Variants in KCNH7 observed in about 807,000 individuals in gnomAD.
KCNH7 encodes voltage-gated inwardly rectifying potassium channel KCNH7.
Under a neutral mutation model 120.8 loss-of-function variants are expected in KCNH7, and 49 were observed. The observed-to-expected ratio is 0.41, with a 90% CI of 0.32 to 0.51. The LOEUF (loss-of-function observed/expected upper bound fraction) is 0.51. Ranked by LOEUF, KCNH7 falls within the 20% of genes least tolerant of loss-of-function variation. The pLI is 0.38. For synonymous variants in KCNH7, 547 were observed against 516.1 expected, an observed-to-expected ratio of 1.06 and a Z score of -0.81; for missense variants, 1,097 against 1,446.6, an observed-to-expected ratio of 0.76 and a Z score of 3.92.
rs567745082 is a variant in KCNH7, at chr2:162,661,623, A to T, written c.308-124543T>A. ...ATATCGTTGATACCTTGGAGGCTCA[A>T]TGTCTGTGGTATAGACAGGGATCTG... On this transcript the variant is annotated intron_variant, in intron 2 of 15. Transcript: ENST00000332142. 3.3e-5 allele frequency among the ~76,000 whole-genome samples: 5 copies of T among 152,268 alleles called. No individual in the cohort carries two copies. In the South Asian group the frequency reaches 1.0e-3, roughly 32 times the overall value.
At chr2:162,597,278 G>A (rs1694408724) in intron 2 of KCNH7, among the ~76,000 whole-genome samples, 2 of 151,990 alleles carry the variant, frequency 1.3e-5, no homozygotes, top group African/African-American at 2.4e-5. Context: ...CAACAGCTAA[G>A]ATAAGGAAAC....
In KCNH7 at chr2:162,681,325, C is replaced by A. The variant is rs1685702970; in HGVS notation, c.308-144245G>T. ...CCACACACAAACTATTCCTGGGTGA[C>A]CTTTAGGAAGAAGGATGAGAGTGGT... On this transcript the variant is annotated intron_variant, in intron 2 of 15. Coordinates refer to ENST00000332142, the MANE Select transcript of KCNH7 (RefSeq NM_033272.4). Among the ~76,000 whole-genome samples the A allele has an allele frequency of 1.3e-5, 2 of 151,472 alleles. 1 individual carries two copies. Among genetic ancestry groups the A allele is most frequent in the South Asian group, 4.2e-4 (2 of 4,818 alleles).
chr2:162,836,402 G>C (rs1685665787), intron 2 of KCNH7, 135 bp downstream of exon 2: 1 of 673,860 alleles, frequency 1.5e-6, no homozygotes. Context: ...CATATATGTT[G>C]GATCCCAAAA....
chr2:162,511,480 C>G (rs1336080875), intron 5 of KCNH7, among the ~76,000 whole-genome samples: 1 of 96,006 alleles, frequency 1.0e-5, no homozygotes, highest in Admixed American at 1.1e-4. Context: ...GTGGACAGGT[C>G]AAAAAAAAAA....
rs542004231 is a variant in KCNH7, at chr2:162,424,425, C to T, written c.1955-890G>A. Among the ~76,000 whole-genome samples the T allele has an allele frequency of 2.0e-5, 3 of 152,180 alleles. No homozygotes were observed. In the East Asian group the frequency reaches 5.8e-4, roughly 29 times the overall value. On this transcript the variant is annotated intron_variant, in intron 8 of 15. Coordinates refer to ENST00000332142, the MANE Select transcript of KCNH7 (RefSeq NM_033272.4). ...CTAAAAATAAATGCTATTCTCTGTA[C>T]AGAAAGTCACATCACGATATATATT...
intron 2 of KCNH7, among the ~76,000 whole-genome samples, chr2:162,759,765 C>G (rs928370695): frequency 1.3e-5 from 2 of 151,876 alleles, no homozygotes; most frequent in African/African-American, 2.4e-5. Flanking sequence ...ATCCAGAGAA[C>G]AAAAGCTTTT....
chr2:162,767,083 T>G (rs1682847462), intron 2 of KCNH7, among the ~76,000 whole-genome samples: 1 of 152,180 alleles, frequency 6.6e-6, no homozygotes, highest in African/African-American at 2.4e-5. Context: ...TGGCAGCATA[T>G]TTTCCCATAA....
chr2:162,631,538 G>T (rs1683767603), intron 2 of KCNH7, among the ~76,000 whole-genome samples: 1 of 151,978 alleles, frequency 6.6e-6, no homozygotes, highest in South Asian at 2.1e-4. Context: ...TAACTTATAA[G>T]ATTTTGTTTA....
chr2:162,414,339 C>A (rs938499471), intron 9 of KCNH7, among the ~76,000 whole-genome samples: 19 of 151,672 alleles, frequency 1.3e-4, no homozygotes, highest in Non-Finnish European at 2.5e-4. Context: ...TTTGAAGTGG[C>A]ATGAAATTAG....
intron 2 of KCNH7, among the ~76,000 whole-genome samples, chr2:162,781,630 C>T (rs1166860031): frequency 6.6e-6 from 1 of 151,918 alleles, no homozygotes; most frequent in African/African-American, 2.4e-5. Context: ...GATTTCATTA[C>T]ATATATTATA....
At chr2:162,641,183 T>C (rs1020842498) in intron 2 of KCNH7, among the ~76,000 whole-genome samples, 9 of 152,178 alleles carry the variant, frequency 5.9e-5, no homozygotes, top group Admixed American at 4.6e-4. Context: ...CTGGAACTTA[T>C]GCTCATGTAA....
chr2:162,511,174 T>C (rs1280118932), intron 5 of KCNH7, among the ~76,000 whole-genome samples: 1 of 151,726 alleles, frequency 6.6e-6, no homozygotes, highest in Non-Finnish European at 1.5e-5. Context: ...AGTAAATGAA[T>C]TGTTTTATGA....
chr2:162,721,181 T>G (rs1224645956), intron 2 of KCNH7, among the ~76,000 whole-genome samples: 2 of 152,266 alleles, frequency 1.3e-5, no homozygotes, highest in East Asian at 3.9e-4. Context: ...GATAGTAAAA[T>G]TCAGTAAACT....
rs181942573 is a variant in KCNH7 at position 162,537,723 on chromosome 2, T to C, written c.308-643A>G. On this transcript the variant is annotated intron_variant, in intron 2 of 15. Coordinates refer to ENST00000332142, the MANE Select transcript of KCNH7 (RefSeq NM_033272.4). Reference sequence around the variant, plus strand: ...AATCTTCTTCATGAGATGGTACTCTTCAAGACGATATTCTTCTAAAAGCAA... The same window carrying C: ...AATCTTCTTCATGAGATGGTACTCTCCAAGACGATATTCTTCTAAAAGCAA... 3.2e-4 allele frequency among the ~76,000 whole-genome samples: 48 copies of C among 152,224 alleles called. 1 individual carries two copies. The highest frequency in any genetic ancestry group is 1.1e-3 in the African/African-American group (44 of 41,572).
chr2:162,539,134 T>C (rs1204799070), intron 2 of KCNH7, among the ~76,000 whole-genome samples: 1 of 152,096 alleles, frequency 6.6e-6, no homozygotes, highest in Non-Finnish European at 1.5e-5. Flanking sequence ...ACGGGATGAC[T>C]TTAGTAAACA....
intron 2 of KCNH7, among the ~76,000 whole-genome samples, chr2:162,725,534 TTTAA>T (rs1687481824): frequency 6.6e-6 from 1 of 152,162 alleles, no homozygotes; most frequent in Admixed American, 6.5e-5. Flanking sequence ...TTATCTGAAG[TTTAA>T]TTATCTTGTC....
chr2:162,690,535 A>T (rs1037057003), intron 2 of KCNH7, among the ~76,000 whole-genome samples: 1 of 152,152 alleles, frequency 6.6e-6, no homozygotes, highest in Non-Finnish European at 1.5e-5. Context: ...TATAGAGGAA[A>T]TATATAAACA....
chr2:162,438,655 G>T (rs527326936), intron 7 of KCNH7, among the ~76,000 whole-genome samples: 1 of 152,098 alleles, frequency 6.6e-6, no homozygotes, highest in African/African-American at 2.4e-5. Flanking sequence ...TCTGTAACAT[G>T]TACTGCAGAA....
intron 2 of KCNH7, among the ~76,000 whole-genome samples, chr2:162,660,181 C>T (rs749215689): frequency 6.6e-6 from 1 of 151,878 alleles, no homozygotes; most frequent in Admixed American, 6.6e-5. Context: ...ATTTCATTTG[C>T]TCTTCTTTTC....
Sources: allele counts gnomAD v4.1 joint callset (sites outside exome capture counted in the v4.1 genomes callset), GRCh38; gene constraint gnomAD v4.1.1; transcripts MANE v1.5; gene names NCBI Gene and HGNC (gene_info 2026-07-23, HGNC 2026-07-21).